Variants in TLN2 observed in about 807,000 individuals in gnomAD.
TLN2 encodes the protein talin-2.
A neutral mutation model predicts 294.7 loss-of-function variants in TLN2; 118 were observed. The ratio of observed to expected loss-of-function variants is 0.40; its 90% CI spans 0.34 to 0.47. The LOEUF (loss-of-function observed/expected upper bound fraction) is 0.47. Ranked by LOEUF, TLN2 falls within the 20% of genes least tolerant of loss-of-function variation. The pLI is 0.84. For synonymous variants in TLN2, 1,431 were observed against 1,304.5 expected, an observed-to-expected ratio of 1.10 and a Z score of -2.09; for missense variants, 3,083 against 3,282.2, an observed-to-expected ratio of 0.94 and a Z score of 1.48.
intron 47 of TLN2, 28 bp from the exon 48 acceptor site, chr15:62,797,191 C>T (rs570627947): frequency 9.3e-6 from 15 of 1,613,566 alleles, no homozygotes; most frequent in South Asian, 4.4e-5. Context: ...GTCTCTCCCC[C>T]TCTCCCCTGC....
chr15:62,414,152 C>CAAAAAAA (rs564398066), intron 1 of TLN2, among the ~76,000 whole-genome samples: 8 of 51,074 alleles, frequency 1.6e-4, no homozygotes, highest in African/African-American at 5.4e-4. Flanking sequence ...GAAGTGTTAG[C>CAAAAAAA]AAAAAAAAAA....
chr15:62,832,706 C>G (rs2069004405), intron 54 of TLN2: 2 of 149,454 alleles, frequency 1.3e-5, no homozygotes, highest in Non-Finnish European at 2.9e-5. Flanking sequence ...GCCCTGGTTT[C>G]TTTTTCACCA....
chr15:62,742,024 GGTGTGTGTGTGTGTGT>G (rs1169646907), intron 32 of TLN2, among the ~76,000 whole-genome samples: 7 of 82,276 alleles, frequency 8.5e-5, no homozygotes, highest in African/African-American at 2.6e-4. Context: ...CTTGTAGTGG[GGTGTGTGTGTGTGTGT>G]GTGTGTGTGT....
chr15:62,482,915 C>G (rs1220572893), intron 1 of TLN2, among the ~76,000 whole-genome samples: 1 of 152,156 alleles, frequency 6.6e-6, no homozygotes, highest in East Asian at 1.9e-4. Context: ...CCCTCCTGTT[C>G]TTGTTGTATC....
intron 12 of TLN2, among the ~76,000 whole-genome samples, chr15:62,692,138 A>T (rs145634274): frequency 4.3e-4 from 65 of 152,238 alleles, no homozygotes; most frequent in Non-Finnish European, 8.2e-4. Flanking sequence ...TTTTCTTTTG[A>T]CACTAAGGTT....
chr15:62,618,318 C>G (rs1016074195), intron 2 of TLN2, 33 bp from the exon 3 acceptor site: 7 of 152,116 alleles, frequency 4.6e-5, no homozygotes, highest in African/African-American at 1.7e-4. Context: ...TTACCTAATT[C>G]TTCTTTTCCC....
chr15:62,508,643 A>T (rs2039763526), intron 1 of TLN2, among the ~76,000 whole-genome samples: 1 of 152,270 alleles, frequency 6.6e-6, no homozygotes, highest in South Asian at 2.1e-4. Context: ...ATCAAATAAA[A>T]AAGGTAATAC....
intron 29 of TLN2, among the ~76,000 whole-genome samples, chr15:62,737,417 C>T (rs2061084331): frequency 6.6e-6 from 1 of 152,146 alleles, no homozygotes; most frequent in Non-Finnish European, 1.5e-5. Context: ...TGTTCCTTGC[C>T]AGGGAATGAG....
chr15:62,684,257 A>G (rs906277168), intron 11 of TLN2, among the ~76,000 whole-genome samples: 12 of 152,340 alleles, frequency 7.9e-5, no homozygotes, highest in African/African-American at 2.9e-4. Flanking sequence ...ATGGGAAAGA[A>G]TGAAGGAAGC....
At chr15:62,606,370 C>T (rs945021117) in intron 2 of TLN2, among the ~76,000 whole-genome samples, 15 of 151,884 alleles carry the variant, frequency 9.9e-5, no homozygotes, top group African/African-American at 3.4e-4. Flanking sequence ...GGATTACAGG[C>T]GTGAACCACC....
chr15:62,815,173 TCTGTCACACACACACACACA>T (rs1288580550), intron 52 of TLN2, among the ~76,000 whole-genome samples: 5 of 134,048 alleles, frequency 3.7e-5, no homozygotes, highest in African/African-American at 1.4e-4. Flanking sequence ...TTTTATTCTG[TCTGTCACACACACACACACA>T]CACACACACA....
intron 28 of TLN2, among the ~76,000 whole-genome samples, chr15:62,730,931 T>C (rs1242497397): frequency 1.3e-5 from 2 of 152,204 alleles, no homozygotes; most frequent in Non-Finnish European, 2.9e-5. Flanking sequence ...CTTTCTCTTA[T>C]GCTAAATCAT....
intron 12 of TLN2, chr15:62,687,969 T>C (rs1033766803): frequency 7.2e-5 from 11 of 152,214 alleles, no homozygotes; most frequent in Admixed American, 7.2e-4. Flanking sequence ...ACATATTATT[T>C]AGAAATACTA....
intron 1 of TLN2, among the ~76,000 whole-genome samples, chr15:62,408,453 G>A (rs2033562221): frequency 1.3e-5 from 2 of 152,140 alleles, no homozygotes; most frequent in African/African-American, 4.8e-5. Flanking sequence ...CACACTTAGA[G>A]CAAGCAGCCC....
At chr15:62,509,751 A>G (rs2039834027) in intron 1 of TLN2, among the ~76,000 whole-genome samples, 1 of 152,098 alleles carries the variant, frequency 6.6e-6, no homozygotes, top group Non-Finnish European at 1.5e-5. Context: ...AGACAGGACC[A>G]CTGAAGCCAG....
intron 39 of TLN2, 130 bp from the exon 40 acceptor site, chr15:62,763,433 G>C: frequency 7.9e-7 from 1 of 1,268,342 alleles, no homozygotes; most frequent in East Asian, 2.4e-5. Context: ...CAGGGGTCAG[G>C]GATTCCTCCT....
intron 1 of TLN2, among the ~76,000 whole-genome samples, chr15:62,575,480 A>C (rs568784546): frequency 1.5e-4 from 23 of 152,278 alleles, no homozygotes; most frequent in Non-Finnish European, 2.8e-4. Context: ...CTAAGTGTTT[A>C]CTCTCAATTT....
chr15:62,466,958 T>G (rs2037167566), intron 1 of TLN2, among the ~76,000 whole-genome samples: 1 of 152,228 alleles, frequency 6.6e-6, no homozygotes, highest in Admixed American at 6.5e-5. Context: ...CCAATGAGAT[T>G]TCAGCATTCT....
intron 1 of TLN2, among the ~76,000 whole-genome samples, chr15:62,564,917 A>ATATATATATATAT (rs1262371986): frequency 2.4e-5 from 3 of 124,652 alleles, no homozygotes; most frequent in African/African-American, 9.2e-5. Context: ...AAAAAAAAAA[A>ATATATATATATAT]AAAAAAAAAT....
Sources: gnomAD v4.1 joint callset for allele counts (sites outside exome capture counted in the v4.1 genomes callset) on GRCh38, gnomAD v4.1.1 for gene constraint, MANE v1.5 for transcripts, NCBI Gene and HGNC (gene_info 2026-07-23, HGNC 2026-07-21) for gene names.